NPAS3: variants seen among roughly 807,000 people sequenced by gnomAD.
NPAS3 encodes the protein neuronal PAS domain-containing protein 3.
In NPAS3, 14 loss-of-function variants were observed where a neutral mutation model predicts 73.1. That is an observed-to-expected ratio of 0.19 (90% CI 0.13 to 0.30). The LOEUF is 0.30. Among genes scored for constraint, NPAS3 ranks in the 10% least tolerant of loss-of-function variants. The probability of loss-of-function intolerance (pLI) is 1.00; values close to 1 mark genes in which losing one functional copy is unlikely to be tolerated. For missense variants in NPAS3, 1,096 were observed against 1,250.0 expected (o/e 0.88, Z 1.86); for synonymous variants, 620 against 541.5 (o/e 1.14, Z -2.01).
intron 6 of NPAS3, among the ~76,000 whole-genome samples, chr14:33,709,497 C>T (rs537748388): frequency 6.6e-6 from 1 of 152,144 alleles, no homozygotes. Context: ...TTTAGGTTGA[C>T]TTCATGGCTG....
In NPAS3 at chr14:33,746,202, T is replaced by TA. The variant is rs2061790392; in HGVS notation, c.852+10870_852+10871insA. Among the ~76,000 whole-genome samples the TA allele has an allele frequency of 2.0e-4, 30 of 151,220 alleles. No individual in the cohort carries two copies. In the South Asian group the frequency reaches 5.6e-3, roughly 28 times the overall value. ...TTATTTATTTATTTATTTATTTATT[T>TA]TTTTGAGATGGAGTCTTTCTCTGTT... On this transcript the variant is annotated intron_variant, in intron 7 of 11. Coordinates refer to ENST00000356141, the Ensembl canonical transcript of NPAS3.
chr14:33,617,479 G>A (rs145442376), intron 5 of NPAS3, among the ~76,000 whole-genome samples: 2 of 152,246 alleles, frequency 1.3e-5, no homozygotes, highest in African/African-American at 4.8e-5. Context: ...AAGAGTATTT[G>A]CCAGGATTAA....
At chr14:32,956,282 G>A (rs969379653) in intron 1 of NPAS3, among the ~76,000 whole-genome samples, 1 of 152,194 alleles carries the variant, frequency 6.6e-6, no homozygotes. Flanking sequence ...AATAGAACAG[G>A]TTACAAAGAG....
chr14:33,788,274 C>T (rs943189636), intron 9 of NPAS3, among the ~76,000 whole-genome samples: 4 of 152,300 alleles, frequency 2.6e-5, no homozygotes, highest in South Asian at 2.1e-4. Context: ...CGGCCACTGA[C>T]GAAGGTACCT....
rs78935674 is a variant in NPAS3, at chr14:33,121,620, A to G, written c.140+65626A>G. Among the ~76,000 whole-genome samples the G allele has an allele frequency of 4.8e-3, 733 of 152,324 alleles. 5 individuals carry two copies. The highest frequency in any genetic ancestry group is 0.017 in the African/African-American group (698 of 41,586). ...TGCTAGTGAATGGAGACTTCAGAGT[A>G]AATCAGTCTCTGTCTCTCTGACATA... is the stretch of plus-strand genomic sequence containing the variant. On this transcript the variant is annotated intron_variant, in intron 2 of 11. Coordinates refer to ENST00000356141, the Ensembl canonical transcript of NPAS3.
intron 5 of NPAS3, among the ~76,000 whole-genome samples, chr14:33,624,690 A>G (rs2058173695): frequency 6.6e-6 from 1 of 152,132 alleles, no homozygotes; most frequent in South Asian, 2.1e-4. Flanking sequence ...AAACATCCTT[A>G]TATTTTGGTA....
At chr14:33,155,781 A>T (rs982318743) in intron 2 of NPAS3, among the ~76,000 whole-genome samples, 5 of 152,170 alleles carry the variant, frequency 3.3e-5, no homozygotes, top group Non-Finnish European at 4.4e-5. Flanking sequence ...CATGTTGTAG[A>T]TGAGGCATAT....
intron 4 of NPAS3, among the ~76,000 whole-genome samples, chr14:33,526,298 G>GT (rs2053799668): frequency 7.2e-6 from 1 of 138,492 alleles, no homozygotes; most frequent in South Asian, 2.3e-4. Context: ...GTCACATATA[G>GT]TTTTTTAAAA....
chr14:33,669,741 T>C (rs975432487), intron 5 of NPAS3, among the ~76,000 whole-genome samples: 2 of 152,206 alleles, frequency 1.3e-5, no homozygotes, highest in African/African-American at 4.8e-5. Context: ...ATTTTCTTCT[T>C]TATTTCCTCT....
intron 5 of NPAS3, among the ~76,000 whole-genome samples, chr14:33,582,764 A>T (rs1016427364): frequency 3.3e-5 from 5 of 152,316 alleles, no homozygotes; most frequent in African/African-American, 9.6e-5. Flanking sequence ...ATTATTTTTT[A>T]AAATAATTAT....
chr14:33,194,754 G>A (rs928217759), intron 2 of NPAS3, among the ~76,000 whole-genome samples: 7 of 152,124 alleles, frequency 4.6e-5, no homozygotes, highest in African/African-American at 1.7e-4. Context: ...GAGTCACTTG[G>A]TGGAATGTGG....
intron 1 of NPAS3, among the ~76,000 whole-genome samples, chr14:33,054,463 TTTAAA>T: frequency 6.6e-6 from 1 of 152,288 alleles, no homozygotes; most frequent in Middle Eastern, 3.4e-3. Flanking sequence ...AGAGAATGTG[TTTAAA>T]TAAAATCTTA....
chr14:33,543,483 G>T (rs77044300), intron 4 of NPAS3, among the ~76,000 whole-genome samples: 2,016 of 152,126 alleles, frequency 0.013, 45 homozygotes, highest in African/African-American at 0.046. Context: ...ATTTTTCTGG[G>T]ACTACTAGAT....
chr14:33,658,320 T>A (rs542507983), intron 5 of NPAS3, among the ~76,000 whole-genome samples: 2 of 152,324 alleles, frequency 1.3e-5, no homozygotes, highest in African/African-American at 4.8e-5. Flanking sequence ...AGACTTTTGT[T>A]TCCCAGGCTA....
At chr14:33,575,845 A>G (rs968961217) in intron 5 of NPAS3, among the ~76,000 whole-genome samples, 2 of 152,212 alleles carry the variant, frequency 1.3e-5, no homozygotes, top group Non-Finnish European at 2.9e-5. Context: ...TACATTTAAG[A>G]CCTTAAGAAT....
At chr14:32,963,733 T>C (rs540009008) in intron 1 of NPAS3, among the ~76,000 whole-genome samples, 42 of 152,320 alleles carry the variant, frequency 2.8e-4, no homozygotes, top group African/African-American at 9.9e-4. Context: ...ATTTTTAGTA[T>C]TCAACTAGAA....
intron 9 of NPAS3, among the ~76,000 whole-genome samples, chr14:33,783,334 C>A (rs184368536): frequency 6.6e-6 from 1 of 152,122 alleles, no homozygotes; most frequent in Non-Finnish European, 1.5e-5. Flanking sequence ...GGTGGGTCTT[C>A]AGGGATTTAG....
chr14:33,220,742 C>G (rs1483277614), intron 3 of NPAS3, among the ~76,000 whole-genome samples: 2 of 152,162 alleles, frequency 1.3e-5, no homozygotes, highest in Admixed American at 6.5e-5. Context: ...GAATTATTAT[C>G]TAACTCAGCA....
intron 2 of NPAS3, among the ~76,000 whole-genome samples, chr14:33,155,098 C>T: frequency 6.6e-6 from 1 of 152,158 alleles, no homozygotes; most frequent in East Asian, 1.9e-4. Context: ...CCAGATACTG[C>T]CTGCAGGGCA....
Sources: allele counts gnomAD v4.1 joint callset (sites outside exome capture counted in the v4.1 genomes callset), GRCh38; gene constraint gnomAD v4.1.1; transcripts MANE v1.5; gene names NCBI Gene and HGNC (gene_info 2026-07-23, HGNC 2026-07-21).